TPTE: variants seen among roughly 807,000 people sequenced by gnomAD.
The protein encoded by TPTE is transmembrane phosphatase with tensin homology.
A neutral mutation model predicts 84.1 loss-of-function variants in TPTE; 59 were observed. That is an observed-to-expected ratio of 0.70 (90% CI 0.57 to 0.87). TPTE has a LOEUF of 0.87. Among genes scored for constraint, TPTE ranks in the 40% least tolerant of loss-of-function variants. The pLI is 0.00. For synonymous variants in TPTE, 130 were observed against 223.5 expected (o/e 0.58, Z 3.73); for missense variants, 382 against 659.6 (o/e 0.58, Z 4.61).
intron 8 of TPTE, among the ~76,000 whole-genome samples, chr21:10,555,902 C>A (rs1362364885): frequency 1.3e-5 from 2 of 152,308 alleles, no homozygotes; most frequent in Non-Finnish European, 2.9e-5. Context: ...AGAAATGCAA[C>A]CTGCCTTTAC....
intron 7 of TPTE, among the ~76,000 whole-genome samples, chr21:10,549,070 A>G (rs1312515107): frequency 6.6e-6 from 1 of 152,430 alleles, no homozygotes; most frequent in East Asian, 1.9e-4. Context: ...CATCACTACA[A>G]ACTTCCTTAA....
At chr21:10,602,219 T>G in intron 22 of TPTE, 69 bp downstream of exon 22, 1 of 1,557,248 alleles carries the variant, frequency 6.4e-7, no homozygotes, top group Non-Finnish European at 8.9e-7. Context: ...AAGATTTGCT[T>G]TACTACAATT....
intron 8 of TPTE, among the ~76,000 whole-genome samples, chr21:10,555,219 T>A (rs1346552274): frequency 6.6e-6 from 1 of 152,310 alleles, no homozygotes; most frequent in Non-Finnish European, 1.5e-5. Context: ...TTTCTCTCTT[T>A]TTTTTTTGAG....
chr21:10,562,291 A>G (rs567237893), intron 10 of TPTE, among the ~76,000 whole-genome samples: 163 of 151,824 alleles, frequency 1.1e-3, no homozygotes, highest in Middle Eastern at 3.4e-3. Context: ...CTGACAGTGA[A>G]AACTACAATA....
At chr21:10,538,302 A>G (rs1330524552) in intron 3 of TPTE, among the ~76,000 whole-genome samples, 14 of 152,428 alleles carry the variant, frequency 9.2e-5, no homozygotes, top group Admixed American at 5.9e-4. Context: ...ACCAACAGAG[A>G]CAATCAAGTG....
intron 8 of TPTE, among the ~76,000 whole-genome samples, 185 bp downstream of exon 8, chr21:10,552,901 AAATT>A (rs1393742239): frequency 3.4e-4 from 52 of 152,388 alleles, no homozygotes; most frequent in African/African-American, 1.2e-3. Flanking sequence ...TTTGAAAAAA[AAATT>A]CCATCCATTC....
chr21:10,540,779 G>A (rs777178818), intron 4 of TPTE: 1 of 525,226 alleles, frequency 1.9e-6, no homozygotes, highest in South Asian at 1.4e-5. Context: ...AGAGAATGAG[G>A]AACTCAAATG....
intron 1 of TPTE, among the ~76,000 whole-genome samples, chr21:10,522,124 C>A (rs1265611464): frequency 6.6e-6 from 1 of 152,192 alleles, no homozygotes; most frequent in Non-Finnish European, 1.5e-5. Flanking sequence ...GCCCCCGAGG[C>A]GCCCGGCTCT....
intron 10 of TPTE, among the ~76,000 whole-genome samples, chr21:10,567,274 C>T (rs1447153257): frequency 2.0e-5 from 3 of 152,418 alleles, no homozygotes; most frequent in Non-Finnish European, 2.9e-5. Context: ...ACAGATTGAC[C>T]ATAGTCAACA....
At chr21:10,603,273 G>T (rs1600995849) in intron 22 of TPTE, among the ~76,000 whole-genome samples, 1 of 152,308 alleles carries the variant, frequency 6.6e-6, no homozygotes, top group Non-Finnish European at 1.5e-5. Flanking sequence ...AGTCTGTTTG[G>T]CACTATCTAA....
intron 8 of TPTE, among the ~76,000 whole-genome samples, chr21:10,556,456 G>A (rs1303540562): frequency 1.3e-5 from 2 of 152,424 alleles, no homozygotes; most frequent in East Asian, 1.9e-4. Context: ...TGGACATTTG[G>A]GTTGGTTCCA....
chr21:10,547,804 G>C (rs2074496412), intron 7 of TPTE, among the ~76,000 whole-genome samples: 1 of 152,310 alleles, frequency 6.6e-6, no homozygotes, highest in African/African-American at 2.4e-5. Flanking sequence ...AAGTAATGCA[G>C]AGCAGGGAAA....
intron 3 of TPTE, among the ~76,000 whole-genome samples, chr21:10,530,483 G>C (rs1600854376): frequency 1.3e-5 from 2 of 152,424 alleles, no homozygotes; most frequent in East Asian, 1.9e-4. Context: ...TTTTTGCATA[G>C]TAACATAAGA....
intron 14 of TPTE, among the ~76,000 whole-genome samples, chr21:10,573,925 C>G (rs4107038): frequency 0.094 from 12,690 of 134,846 alleles, no homozygotes; most frequent in Middle Eastern, 0.16. Context: ...TTAATTCTAC[C>G]CCATTTTATT....
At chr21:10,570,373 TA>T in intron 13 of TPTE, 111 bp from the exon 14 acceptor site, 1 of 1,568,296 alleles carries the variant, frequency 6.4e-7, no homozygotes, top group Non-Finnish European at 8.7e-7. Context: ...ACCTCAATCT[TA>T]AAAGGTTTTT....
intron 1 of TPTE, among the ~76,000 whole-genome samples, chr21:10,522,133 C>T (rs1256888216): frequency 6.6e-6 from 1 of 152,234 alleles, no homozygotes; most frequent in Non-Finnish European, 1.5e-5. Context: ...GCGCCCGGCT[C>T]TCGTTGTCTT....
At chr21:10,535,910 C>T (rs1166699827) in intron 3 of TPTE, among the ~76,000 whole-genome samples, 1 of 152,310 alleles carries the variant, frequency 6.6e-6, no homozygotes, top group African/African-American at 2.4e-5. Flanking sequence ...AAAGAAGTGA[C>T]AGAAGGACTT....
rs1181453637 is a variant in TPTE at position 10,569,507 on chromosome 21, A to T, written c.637A>T (p.Arg213Ter). ...LRIFHLFHQKRQLEKLIRRRV... is the reference protein window; with the variant it reads ...LRIFHLFHQK ...AATTTTTCATCTGTTTCATCAAAAA[A>T]GACAACTTGAAAAGCTGATAAGAAG... Residue 213 changes from arginine (R) to a stop codon, truncating the protein, a stop_gained, in exon 12 of 24, where the codon AGA becomes TGA. Transcript: ENST00000618007. LOFTEE classifies it high-confidence loss of function. The T allele has an allele frequency of 6.2e-7, 1 of 1,613,972 alleles. No individual in the cohort carries two copies.
At chr21:10,592,805 G>GGTTGTGTGTGTGT (rs1555820854) in intron 19 of TPTE, among the ~76,000 whole-genome samples, 11 of 148,954 alleles carry the variant, frequency 7.4e-5, no homozygotes, top group African/African-American at 2.7e-4. Context: ...GATGACTCCT[G>GGTTGTGTGTGTGT]GTGTGTGTGT....
Sources: allele counts gnomAD v4.1 joint callset (sites outside exome capture counted in the v4.1 genomes callset), GRCh38; gene constraint gnomAD v4.1.1; transcripts MANE v1.5; gene names NCBI Gene and HGNC (gene_info 2026-07-23, HGNC 2026-07-21).